The following SMYD3 variants were observed in gnomAD, a reference collection of about 807,000 sequenced individuals.
The protein encoded by SMYD3 is histone-lysine N-methyltransferase SMYD3.
SMYD3 carries 36 observed loss-of-function variants against 57.7 expected under a neutral mutation model. That is an observed-to-expected ratio of 0.62 (90% CI 0.48 to 0.82). SMYD3 has a LOEUF of 0.82. Among genes scored for constraint, SMYD3 ranks in the 40% least tolerant of loss-of-function variants. SMYD3 has a pLI of 0.00. For synonymous variants in SMYD3, 211 were observed against 195.0 expected (o/e 1.08, Z -0.68); for missense variants, 515 against 538.8 (o/e 0.96, Z 0.44).
intron 5 of SMYD3, among the ~76,000 whole-genome samples, chr1:246,258,271 G>A (rs918153794): frequency 2.6e-5 from 4 of 151,972 alleles, no homozygotes; most frequent in East Asian, 3.9e-4. Context: ...TCCTGACCTC[G>A]TGATCCGCCC....
chr1:246,104,956 T>G (rs146826641), intron 5 of SMYD3, among the ~76,000 whole-genome samples: 1 of 152,206 alleles, frequency 6.6e-6, no homozygotes, highest in African/African-American at 2.4e-5. Context: ...GAGATCTCAG[T>G]CAAGACCCCA....
At chr1:245,841,761 A>T (rs2050414645) in intron 10 of SMYD3, among the ~76,000 whole-genome samples, 1 of 152,224 alleles carries the variant, frequency 6.6e-6, no homozygotes. Context: ...ATGATGCCGA[A>T]TTCTGTTGTC....
At chr1:246,204,698 G>A (rs2062971709) in intron 5 of SMYD3, among the ~76,000 whole-genome samples, 1 of 152,116 alleles carries the variant, frequency 6.6e-6, no homozygotes, top group African/African-American at 2.4e-5. Context: ...AGCTTCCAAA[G>A]AGACAAATGC....
intron 10 of SMYD3, among the ~76,000 whole-genome samples, chr1:245,809,050 T>C (rs1330874418): frequency 3.3e-5 from 5 of 152,176 alleles, no homozygotes; most frequent in Non-Finnish European, 5.9e-5. Context: ...CCACTGCTCC[T>C]GGCCGGTTGT....
intron 5 of SMYD3, among the ~76,000 whole-genome samples, chr1:245,965,933 A>C (rs1367065398): frequency 6.6e-6 from 1 of 152,168 alleles, no homozygotes; most frequent in Non-Finnish European, 1.5e-5. Flanking sequence ...CAAATGTACC[A>C]ATCTGGTTTG....
rs564434378 is a variant in SMYD3, at chr1:245,985,842, A to G, written c.532-55905T>C. 2.0e-5 allele frequency among the ~76,000 whole-genome samples: 3 copies of G among 152,184 alleles called. No individual in the cohort carries two copies. The East Asian group carries it at 5.8e-4, about 29-fold the overall frequency. ...ACATGTTCTTTCCAAAACCTTCCCA[A>G]ATGTTCTTGACTTTGGACTCCTTTC... is the stretch of plus-strand genomic sequence containing the variant. On this transcript the variant is annotated intron_variant, in intron 5 of 11. Coordinates refer to ENST00000490107, the MANE Select transcript of SMYD3 (RefSeq NM_001167740.2).
At chr1:245,895,485 A>G (rs904763353) in intron 8 of SMYD3, among the ~76,000 whole-genome samples, 4 of 150,742 alleles carry the variant, frequency 2.7e-5, no homozygotes, top group African/African-American at 9.8e-5. Context: ...CAATTTATCT[A>G]GCAAAATAGA....
At chr1:245,991,315 G>A (rs1409473564) in intron 5 of SMYD3, among the ~76,000 whole-genome samples, 1 of 152,174 alleles carries the variant, frequency 6.6e-6, no homozygotes, top group African/African-American at 2.4e-5. Context: ...TAGGAAAAAG[G>A]AATAGAGCCA....
chr1:246,198,201 C>T (rs1325587229), intron 5 of SMYD3, among the ~76,000 whole-genome samples: 1 of 152,154 alleles, frequency 6.6e-6, no homozygotes, highest in Non-Finnish European at 1.5e-5. Context: ...TAGTAAAGAA[C>T]CAGGCAACAT....
At chr1:245,820,343 C>T (rs2148335543) in intron 10 of SMYD3, among the ~76,000 whole-genome samples, 1 of 150,576 alleles carries the variant, frequency 6.6e-6, no homozygotes. Flanking sequence ...CAAAATTCAA[C>T]AACCCTTCAT....
chr1:246,263,076 A>G (rs1215743721), intron 5 of SMYD3, among the ~76,000 whole-genome samples: 1 of 152,234 alleles, frequency 6.6e-6, no homozygotes, highest in African/African-American at 2.4e-5. Context: ...ATGGTCTTCC[A>G]ATGTTGGTAC....
intron 1 of SMYD3, among the ~76,000 whole-genome samples, chr1:246,412,915 G>A (rs2067001060): frequency 6.6e-6 from 1 of 151,470 alleles, no homozygotes; most frequent in South Asian, 2.1e-4. Flanking sequence ...TATAGTAGCA[G>A]TTTTTAAATG....
intron 10 of SMYD3, among the ~76,000 whole-genome samples, chr1:245,834,201 G>T (rs1428861604): frequency 6.6e-6 from 1 of 152,174 alleles, no homozygotes; most frequent in Admixed American, 6.5e-5. Context: ...ATGCTCTTCA[G>T]AGCCTCTGAC....
intron 11 of SMYD3, among the ~76,000 whole-genome samples, chr1:245,752,707 C>T (rs907708687): frequency 6.6e-6 from 1 of 152,208 alleles, no homozygotes; most frequent in Non-Finnish European, 1.5e-5. Context: ...TCCAGTTCTT[C>T]AGCCATTCTG....
intron 7 of SMYD3, among the ~76,000 whole-genome samples, chr1:245,927,489 A>T (rs1205933814): frequency 4.6e-5 from 7 of 152,216 alleles, no homozygotes; most frequent in Non-Finnish European, 8.8e-5. Flanking sequence ...AACATGCATC[A>T]TTACCTTCAA....
intron 5 of SMYD3, among the ~76,000 whole-genome samples, chr1:246,137,066 G>C (rs931627561): frequency 2.0e-5 from 3 of 152,178 alleles, no homozygotes; most frequent in African/African-American, 7.2e-5. Flanking sequence ...TTGTTTTTCT[G>C]ATCATGCATA....
chr1:245,913,082 A>G (rs993948466), intron 8 of SMYD3, among the ~76,000 whole-genome samples: 1 of 152,198 alleles, frequency 6.6e-6, no homozygotes, highest in Non-Finnish European at 1.5e-5. Context: ...TTGTGGCACT[A>G]TTCACAACAG....
At chr1:246,348,077 T>TATACACACATACATAC in intron 2 of SMYD3, among the ~76,000 whole-genome samples, 6 of 86,500 alleles carry the variant, frequency 6.9e-5, no homozygotes, top group Admixed American at 1.4e-4. Context: ...TATATATATA[T>TATACACACATACATAC]ACACACACAC....
intron 5 of SMYD3, among the ~76,000 whole-genome samples, chr1:246,115,194 G>A (rs2061324077): frequency 6.6e-6 from 1 of 152,190 alleles, no homozygotes; most frequent in South Asian, 2.1e-4. Flanking sequence ...GTACTAATCA[G>A]CCCATGCACA....
Sources: gnomAD v4.1 joint callset for allele counts (sites outside exome capture counted in the v4.1 genomes callset) on GRCh38, gnomAD v4.1.1 for gene constraint, MANE v1.5 for transcripts, NCBI Gene and HGNC (gene_info 2026-07-23, HGNC 2026-07-21) for gene names.